ACER2: variants seen among roughly 807,000 people sequenced by gnomAD.
The protein encoded by ACER2 is alkaline ceramidase 2, also known as alkCDase 2.
In ACER2, 26 loss-of-function variants were observed where a neutral mutation model predicts 34.7. The ratio of observed to expected loss-of-function variants is 0.75; its 90% CI spans 0.55 to 1.04. The LOEUF (loss-of-function observed/expected upper bound fraction) is 1.04, where lower values mean the gene tolerates loss of function less well. ACER2 is among the 50% of genes least tolerant of loss of function. The probability of loss-of-function intolerance (pLI) is 0.00; values close to 1 mark genes in which losing one functional copy is unlikely to be tolerated. For missense variants in ACER2, 352 were observed against 340.8 expected, an observed-to-expected ratio of 1.03 and a Z score of -0.26; for synonymous variants, 138 against 132.1, an observed-to-expected ratio of 1.04 and a Z score of -0.31.
chr9:19,424,837 G>C lies in ACER2; in HGVS notation c.361G>C (p.Asp121His). 1 of 1,614,102 alleles carries C rather than the reference G, an allele frequency of 6.2e-7. No homozygotes were observed. ...RRYLPKIFRN[D>H]RGRFKVVVSV... ...GTATCTACCAAAGATCTTTCGGAAT[G>C]ACCGGTAAGCTTGCACTAAACATTA... The change falls in exon 3 of 6, where the codon GAC (aspartate) becomes CAC (histidine). Residue 121 changes from aspartate to histidine, a missense_variant. Asp to His is a moderately conservative substitution (Grantham distance 81, BLOSUM62 -1). Transcript: ENST00000340967.
chr9:19,409,349 T>TTCAGTTCTCCATCTGTCCTCCTCTCCTG (rs1440497653), intron 1 of ACER2, among the ~76,000 whole-genome samples, 157 bp downstream of exon 1: 20 of 152,298 alleles, frequency 1.3e-4, no homozygotes, highest in African/African-American at 4.3e-4. Flanking sequence ...GCGCGCTCCT[T>TTCAGTTCTCCATCTGTCCTCCTCTCCTG]TCAGTTCTCC....
At chr9:19,441,048 C>CTTTTTTTTTTTTTTTTTTTTTTCT (rs539195950) in intron 4 of ACER2, among the ~76,000 whole-genome samples, 1 of 138,920 alleles carries the variant, frequency 7.2e-6, no homozygotes, top group African/African-American at 2.6e-5. Context: ...TTTTCTTTTT[C>CTTTTTTTTTTTTTTTTTTTTTTCT]TTTTTTTTTT....
intron 4 of ACER2, among the ~76,000 whole-genome samples, chr9:19,441,516 C>G (rs1831157786): frequency 6.6e-6 from 1 of 152,204 alleles, no homozygotes; most frequent in Admixed American, 6.5e-5. Context: ...CCTGCACCTG[C>G]CAGCCCCAGC....
intron 5 of ACER2, among the ~76,000 whole-genome samples, chr9:19,448,237 T>C (rs997418751): frequency 5.3e-5 from 8 of 152,144 alleles, no homozygotes; most frequent in African/African-American, 1.9e-4. Context: ...AGTCAGAAAC[T>C]CCTGGGCTCG....
intron 5 of ACER2, among the ~76,000 whole-genome samples, chr9:19,447,624 C>T (rs1831412254): frequency 6.6e-6 from 1 of 152,158 alleles, no homozygotes; most frequent in South Asian, 2.1e-4. Context: ...GAAATGTATA[C>T]ACTAGGTAAA....
At chr9:19,446,744 G>A in intron 5 of ACER2, 2 of 672,398 alleles carry the variant, frequency 3.0e-6, no homozygotes, top group Non-Finnish European at 3.7e-6. Context: ...TGTTGGGGGA[G>A]GGGAGAGGTA....
chr9:19,430,654 C>T (rs1830722288), intron 3 of ACER2, among the ~76,000 whole-genome samples: 1 of 152,090 alleles, frequency 6.6e-6, no homozygotes, highest in Admixed American at 6.6e-5. Context: ...CAGATGGCCT[C>T]CCTAAAGAAA....
At position 19,450,620 on chromosome 9, in the gene ACER2, C is replaced by T. The variant is rs778943876; in HGVS notation, c.812C>T (p.Ser271Leu). The change falls in exon 6 of 6, where the codon TCA (serine) becomes TTA (leucine). Residue 271 changes from serine (S) to leucine (L), a missense_variant. Transcript: ENST00000340967. ...CTCCTGTGTGCCAACAAGAAATCAT[C>T]AGTCAAGATCACGTGATGGCAAGAT... ...VSLLCANKKSSVKIT is the reference protein window; with the variant it reads ...VSLLCANKKSLVKIT 1.3e-6 allele frequency: 2 copies of T among 1,567,662 alleles called. No individual in the cohort carries two copies. Among genetic ancestry groups the T allele is most frequent in the South Asian group, 1.1e-5 (1 of 87,216 alleles).
At chr9:19,448,664 C>T (rs1450267505) in intron 5 of ACER2, among the ~76,000 whole-genome samples, 1 of 152,154 alleles carries the variant, frequency 6.6e-6, no homozygotes, top group Non-Finnish European at 1.5e-5. Flanking sequence ...CCCACACTTT[C>T]ACATATACTG....
At chr9:19,422,140 A>G (rs1402783557) in intron 1 of ACER2, among the ~76,000 whole-genome samples, 1 of 149,888 alleles carries the variant, frequency 6.7e-6, no homozygotes, top group Non-Finnish European at 1.5e-5. Context: ...AAAAAAAATT[A>G]TAATAATAAA....
rs1831543331 is a variant in ACER2, at chr9:19,450,712, G to A, written c.*76G>A. ...TTCCTTTGCTAGGAAGACAGCCAAG[G>A]GAGTTCGAATAGTTGGGGTGTGGGC... On this transcript the variant is annotated 3_prime_UTR_variant, in exon 6 of 6. Transcript: ENST00000340967. The A allele has an allele frequency of 4.3e-6, 6 of 1,387,788 alleles. No individual in the cohort carries two copies. The highest frequency in any genetic ancestry group is 4.8e-6 in the Non-Finnish European group (5 of 1,035,022). The allele number at this position is 1,387,788 out of a possible 1,614,324, so 86.0% of individuals were successfully genotyped here.
At position 19,451,744 on chromosome 9, in the gene ACER2, G is replaced by A. The variant is rs1831576931; in HGVS notation, c.*1108G>A. Reference sequence around the variant, plus strand: ...CAAAGGGCTCCTCACAATTGTGGTGGGGGTTCTGGTTCAAAATTTGGAGCA... The same window carrying A: ...CAAAGGGCTCCTCACAATTGTGGTGAGGGTTCTGGTTCAAAATTTGGAGCA... On this transcript the variant is annotated 3_prime_UTR_variant, in exon 6 of 6. Coordinates refer to ENST00000340967, the MANE Select transcript of ACER2 (RefSeq NM_001010887.3). 6.6e-6 allele frequency: 1 copy of A among 152,186 alleles called. No individual in the cohort carries two copies. The highest frequency in any genetic ancestry group is 6.5e-5 in the Admixed American group (1 of 15,280). 9.4% of individuals were successfully genotyped at this position (152,186 alleles called of 1,614,324 possible).
At chr9:19,429,427 G>A (rs770619214) in intron 3 of ACER2, among the ~76,000 whole-genome samples, 10 of 152,084 alleles carry the variant, frequency 6.6e-5, no homozygotes, top group African/African-American at 2.2e-4. Context: ...TGCTTCCTGC[G>A]CTCAAGTGAT....
intron 5 of ACER2, 61 bp downstream of exon 5, chr9:19,446,479 T>G (rs934561045): frequency 1.9e-6 from 3 of 1,608,880 alleles, no homozygotes; most frequent in Admixed American, 1.7e-5. Context: ...GCTGTTGGGC[T>G]CTGTTCACCC....
chr9:19,447,156 C>T (rs1318297500), intron 5 of ACER2, among the ~76,000 whole-genome samples: 2 of 152,130 alleles, frequency 1.3e-5, no homozygotes, highest in South Asian at 2.1e-4. Flanking sequence ...TTTCTGTCCT[C>T]CAGGACTTCT....
At chr9:19,410,509 A>G (rs1830056125) in intron 1 of ACER2, among the ~76,000 whole-genome samples, 1 of 152,200 alleles carries the variant, frequency 6.6e-6, no homozygotes, top group African/African-American at 2.4e-5. Flanking sequence ...CAGGAGTTCG[A>G]GACCAACCTG....
chr9:19,447,122 C>T (rs1831399728), intron 5 of ACER2, among the ~76,000 whole-genome samples: 1 of 152,136 alleles, frequency 6.6e-6, no homozygotes, highest in Admixed American at 6.5e-5. Context: ...ACTGCTTCAG[C>T]CTCAAACCCA....
At chr9:19,425,471 T>C (rs1254065494) in intron 3 of ACER2, among the ~76,000 whole-genome samples, 2 of 152,242 alleles carry the variant, frequency 1.3e-5, no homozygotes, top group Admixed American at 1.3e-4. Context: ...TTTGAACACT[T>C]ATATTTTACT....
At chr9:19,433,960 C>CA (rs1830852653) in intron 3 of ACER2, among the ~76,000 whole-genome samples, 1 of 151,846 alleles carries the variant, frequency 6.6e-6, no homozygotes, top group African/African-American at 2.4e-5. Context: ...GCTGACCCCC[C>CA]CACCTCCCTC....
Sources: gnomAD v4.1 joint callset for allele counts (sites outside exome capture counted in the v4.1 genomes callset) on GRCh38, gnomAD v4.1.1 for gene constraint, MANE v1.5 for transcripts, NCBI Gene and HGNC (gene_info 2026-07-23, HGNC 2026-07-21) for gene names.